FLT1: variants seen among roughly 807,000 people sequenced by gnomAD.
The protein encoded by FLT1 is vascular endothelial growth factor receptor 1.
A neutral mutation model predicts 156.3 loss-of-function variants in FLT1; 49 were observed. The ratio of observed to expected loss-of-function variants is 0.31; its 90% CI spans 0.25 to 0.40. The LOEUF (loss-of-function observed/expected upper bound fraction) is 0.40, where lower values mean the gene tolerates loss of function less well. Ranked by LOEUF, FLT1 falls within the 10% of genes least tolerant of loss-of-function variation. The probability of loss-of-function intolerance (pLI) is 1.00; values close to 1 mark genes in which losing one functional copy is unlikely to be tolerated. For missense variants in FLT1, 1,322 were observed against 1,637.2 expected (o/e 0.81, Z 3.32); for synonymous variants, 594 against 583.8 (o/e 1.02, Z -0.25).
intron 14 of FLT1, among the ~76,000 whole-genome samples, chr13:28,378,595 A>G (rs1220460442): frequency 1.3e-5 from 2 of 151,972 alleles, no homozygotes; most frequent in Non-Finnish European, 2.9e-5. Context: ...GGGACCAGTT[A>G]TTTTTCCTCT....
At chr13:28,437,963 C>T (rs1440963697) in intron 4 of FLT1, among the ~76,000 whole-genome samples, 3 of 152,186 alleles carry the variant, frequency 2.0e-5, no homozygotes, top group Admixed American at 6.5e-5. Context: ...TGTGGCAATA[C>T]ATAACATTTT....
chr13:28,378,677 A>T (rs4769599), intron 14 of FLT1, among the ~76,000 whole-genome samples: 146,064 of 152,230 alleles, frequency 0.96, 70,266 homozygotes, highest in East Asian at 1. Context: ...ACAGAATTGT[A>T]ATGAAAAGCA....
chr13:28,398,736 TTGAG>T (rs1176999845), intron 11 of FLT1, among the ~76,000 whole-genome samples: 1 of 152,190 alleles, frequency 6.6e-6, no homozygotes, highest in African/African-American at 2.4e-5. Flanking sequence ...CAGACATTTA[TTGAG>T]TGATTATCAA....
At chr13:28,426,540 C>A (rs1037406716) in intron 10 of FLT1, among the ~76,000 whole-genome samples, 13 of 152,094 alleles carry the variant, frequency 8.5e-5, no homozygotes, top group African/African-American at 2.7e-4. Context: ...AGTGATGTAA[C>A]AAGGGCGTGA....
chr13:28,441,161 C>T (rs1362820665), intron 3 of FLT1, among the ~76,000 whole-genome samples: 1 of 152,192 alleles, frequency 6.6e-6, no homozygotes, highest in Non-Finnish European at 1.5e-5. Flanking sequence ...TGACTTTCCT[C>T]TGTGAATGCT....
At chr13:28,493,966 G>T (rs7320786) in intron 1 of FLT1, among the ~76,000 whole-genome samples, 1 of 152,234 alleles carries the variant, frequency 6.6e-6, no homozygotes, top group Non-Finnish European at 1.5e-5. Context: ...GTAAGTTAAC[G>T]GTATTTGGGC....
intron 12 of FLT1, among the ~76,000 whole-genome samples, chr13:28,395,162 T>C (rs1214074896): frequency 6.6e-6 from 1 of 152,198 alleles, no homozygotes; most frequent in Non-Finnish European, 1.5e-5. Context: ...TGAAAGTATA[T>C]TTGTCCATAG....
chr13:28,333,432 G>C (rs1305299675), intron 18 of FLT1, among the ~76,000 whole-genome samples: 1 of 152,144 alleles, frequency 6.6e-6, no homozygotes, highest in Non-Finnish European at 1.5e-5. Flanking sequence ...TTGGTGTTGG[G>C]CATAAGTCAC....
intron 14 of FLT1, among the ~76,000 whole-genome samples, chr13:28,364,223 T>G (rs900891964): frequency 3.9e-5 from 6 of 152,188 alleles, no homozygotes; most frequent in African/African-American, 1.4e-4. Context: ...TTTATTTACT[T>G]ATTTATTGAG....
chr13:28,336,816 T>C (rs531017360), intron 17 of FLT1, among the ~76,000 whole-genome samples: 22 of 150,880 alleles, frequency 1.5e-4, no homozygotes, highest in Non-Finnish European at 2.8e-4. Context: ...GGCGTGATCT[T>C]GGCTCACGGC....
At chr13:28,337,102 G>A (rs1202786227) in intron 17 of FLT1, among the ~76,000 whole-genome samples, 1 of 151,146 alleles carries the variant, frequency 6.6e-6, no homozygotes, top group Non-Finnish European at 1.5e-5. Context: ...TAACTTCTGT[G>A]ATAAATTTAT....
At chr13:28,444,684 A>C (rs1424604923) in intron 3 of FLT1, among the ~76,000 whole-genome samples, 1 of 152,250 alleles carries the variant, frequency 6.6e-6, no homozygotes, top group African/African-American at 2.4e-5. Flanking sequence ...GTCTGAATAC[A>C]GTGGAATGCA....
chr13:28,311,119 G>A (rs1006116393), intron 27 of FLT1, among the ~76,000 whole-genome samples: 3 of 151,878 alleles, frequency 2.0e-5, no homozygotes, highest in East Asian at 1.9e-4. Context: ...CACCACACCC[G>A]GCTAATTTTT....
At chr13:28,385,728 C>T (rs1874320664) in intron 13 of FLT1, 1 of 965,202 alleles carries the variant, frequency 1.0e-6, no homozygotes, top group South Asian at 4.9e-5. Flanking sequence ...TGATACAATA[C>T]AATTTATTTT....
intron 25 of FLT1, 148 bp downstream of exon 25, chr13:28,317,350 T>C (rs2057534): frequency 1 from 698,008 of 699,176 alleles, 348,428 homozygotes; most frequent in East Asian, 1. Context: ...CTGGGCCTGA[T>C]GGGCTGAGGG....
At chr13:28,385,953 A>G in intron 13 of FLT1, 1 of 1,050,780 alleles carries the variant, frequency 9.5e-7, no homozygotes, top group South Asian at 4.6e-5. Flanking sequence ...CCAAGGTAAA[A>G]AATAAAAACA....
chr13:28,431,014 A>G (rs1877646477), intron 7 of FLT1, 122 bp downstream of exon 7: 3 of 875,114 alleles, frequency 3.4e-6, no homozygotes, highest in Non-Finnish European at 5.7e-6. Flanking sequence ...ACCATGGCCA[A>G]GCTGTATTCA....
chr13:28,391,807 T>G (rs897572261), intron 12 of FLT1, among the ~76,000 whole-genome samples: 1 of 152,202 alleles, frequency 6.6e-6, no homozygotes, highest in Non-Finnish European at 1.5e-5. Context: ...ACTTTGGGGC[T>G]GAGAATTTCT....
At chr13:28,413,747 C>G (rs1406803247) in intron 10 of FLT1, among the ~76,000 whole-genome samples, 1 of 152,148 alleles carries the variant, frequency 6.6e-6, no homozygotes, top group Non-Finnish European at 1.5e-5. Flanking sequence ...AGGAAGAGAA[C>G]AGCTTACTTC....
Sources: allele counts gnomAD v4.1 joint callset (sites outside exome capture counted in the v4.1 genomes callset), GRCh38; gene constraint gnomAD v4.1.1; transcripts MANE v1.5; gene names NCBI Gene and HGNC (gene_info 2026-07-23, HGNC 2026-07-21).